Variants in SCFD1 observed in about 807,000 individuals in gnomAD.
SCFD1 encodes sec1 family domain containing 1, also known as sec1 family domain-containing protein 1.
Under a neutral mutation model 103.2 loss-of-function variants are expected in SCFD1, and 37 were observed. That is an observed-to-expected ratio of 0.36 (90% CI 0.28 to 0.47). The LOEUF is 0.47. SCFD1 is among the 20% of genes least tolerant of loss of function. The pLI is 1.00. For missense variants in SCFD1, 639 were observed against 761.2 expected (o/e 0.84, Z 1.89); for synonymous variants, 264 against 245.0 (o/e 1.08, Z -0.73).
intron 21 of SCFD1, among the ~76,000 whole-genome samples, chr14:30,720,081 T>C (rs1303995593): frequency 6.6e-6 from 1 of 152,180 alleles, no homozygotes; most frequent in Non-Finnish European, 1.5e-5. Flanking sequence ...TTCAGAACTT[T>C]ACATTTGCTG....
intron 10 of SCFD1, among the ~76,000 whole-genome samples, chr14:30,658,697 T>C (rs1295293604): frequency 6.6e-6 from 1 of 152,218 alleles, no homozygotes; most frequent in African/African-American, 2.4e-5. Context: ...CTAGCTAAGA[T>C]TATAGCTAAT....
At chr14:30,700,110 G>A in intron 15 of SCFD1, 78 bp from the exon 16 acceptor site, 1 of 998,536 alleles carries the variant, frequency 1.0e-6, no homozygotes, top group Non-Finnish European at 1.5e-6. Context: ...GCCTTGAAAT[G>A]TAACATACTT....
At chr14:30,734,213 A>T (rs1032964092) in intron 23 of SCFD1, among the ~76,000 whole-genome samples, 4 of 152,216 alleles carry the variant, frequency 2.6e-5, no homozygotes, top group Admixed American at 2.6e-4. Flanking sequence ...ATTTACCTTC[A>T]GGTTCACGAT....
intron 10 of SCFD1, among the ~76,000 whole-genome samples, chr14:30,666,240 G>C (rs977233530): frequency 6.6e-6 from 1 of 152,162 alleles, no homozygotes; most frequent in African/African-American, 2.4e-5. Context: ...TAGAACTCAG[G>C]ATTAAGAAAC....
chr14:30,699,282 C>CTGA (rs1890912758), intron 15 of SCFD1, among the ~76,000 whole-genome samples: 2 of 152,120 alleles, frequency 1.3e-5, no homozygotes, highest in Non-Finnish European at 2.9e-5. Flanking sequence ...AAATAAGTGT[C>CTGA]TTATCAGTCA....
intron 24 of SCFD1, 93 bp from the exon 25 acceptor site, chr14:30,735,493 G>A: frequency 1.2e-6 from 1 of 832,454 alleles, no homozygotes; most frequent in Non-Finnish European, 2.0e-6. Context: ...AAAATAGGAA[G>A]TGTAATTTAT....
intron 1 of SCFD1, among the ~76,000 whole-genome samples, chr14:30,622,683 C>T (rs929710723): frequency 3.9e-5 from 6 of 152,204 alleles, no homozygotes; most frequent in African/African-American, 1.4e-4. Flanking sequence ...CAAGATCTAG[C>T]AGCTGATAGC....
intron 6 of SCFD1, among the ~76,000 whole-genome samples, chr14:30,641,431 A>G (rs915915417): frequency 3.2e-4 from 49 of 152,224 alleles, no homozygotes; most frequent in Non-Finnish European, 6.8e-4. Flanking sequence ...TTTCATTGAG[A>G]GATGTGGAAC....
At chr14:30,667,571 GA>G (rs926440845) in intron 10 of SCFD1, among the ~76,000 whole-genome samples, 4 of 152,152 alleles carry the variant, frequency 2.6e-5, no homozygotes, top group African/African-American at 9.7e-5. Context: ...TCAGGCAAGA[GA>G]AAGAAATAAA....
intron 23 of SCFD1, among the ~76,000 whole-genome samples, chr14:30,728,747 T>G (rs1893224777): frequency 6.6e-6 from 1 of 152,224 alleles, no homozygotes; most frequent in Non-Finnish European, 1.5e-5. Flanking sequence ...TATCTATATT[T>G]TCCTGATGAC....
chr14:30,716,691 C>T (rs532816444), intron 20 of SCFD1, among the ~76,000 whole-genome samples: 1 of 152,296 alleles, frequency 6.6e-6, no homozygotes, highest in South Asian at 2.1e-4. Context: ...ATAGATTTGG[C>T]AGTGAGGCTT....
intron 10 of SCFD1, among the ~76,000 whole-genome samples, chr14:30,659,292 T>C: frequency 6.6e-6 from 1 of 152,080 alleles, no homozygotes; most frequent in South Asian, 2.1e-4. Flanking sequence ...TATTTGCATT[T>C]CAACATAATA....
chr14:30,658,653 A>G (rs1438009894), intron 10 of SCFD1, among the ~76,000 whole-genome samples: 4 of 152,138 alleles, frequency 2.6e-5, no homozygotes, highest in African/African-American at 4.8e-5. Context: ...TCAGCCTCCC[A>G]AAGTGCTGGG....
intron 21 of SCFD1, among the ~76,000 whole-genome samples, chr14:30,719,941 A>G (rs2139405612): frequency 7.7e-6 from 1 of 130,574 alleles, no homozygotes; most frequent in Non-Finnish European, 1.6e-5. Flanking sequence ...ATACAGAAAA[A>G]GAATAGGCAG....
intron 24 of SCFD1, 93 bp downstream of exon 24, chr14:30,734,951 T>A: frequency 9.9e-7 from 1 of 1,012,446 alleles, no homozygotes; most frequent in Non-Finnish European, 1.5e-6. Context: ...CTTACTCACC[T>A]GAACCAGCCG....
At chr14:30,719,029 A>T (rs886132148) in intron 20 of SCFD1, among the ~76,000 whole-genome samples, 1 of 152,202 alleles carries the variant, frequency 6.6e-6, no homozygotes, top group Non-Finnish European at 1.5e-5. Context: ...TGTAGTTCCC[A>T]TACTTACTAA....
intron 6 of SCFD1, among the ~76,000 whole-genome samples, chr14:30,641,943 C>T (rs1319210356): frequency 2.0e-5 from 3 of 152,162 alleles, no homozygotes; most frequent in Admixed American, 1.3e-4. Context: ...TGTACTTCAT[C>T]AGACACTGGG....
intron 14 of SCFD1, among the ~76,000 whole-genome samples, chr14:30,677,858 T>G (rs1594679735): frequency 7.1e-6 from 1 of 140,158 alleles, no homozygotes; most frequent in Admixed American, 7.2e-5. Context: ...TTTTTTTTTT[T>G]GAGACAGAGT....
At chr14:30,661,790 T>G (rs1288001912) in intron 10 of SCFD1, among the ~76,000 whole-genome samples, 1 of 152,170 alleles carries the variant, frequency 6.6e-6, no homozygotes, top group Non-Finnish European at 1.5e-5. Flanking sequence ...GTCTTTAACA[T>G]TTTCTCTTGT....
Sources: gnomAD v4.1 joint callset for allele counts (sites outside exome capture counted in the v4.1 genomes callset) on GRCh38, gnomAD v4.1.1 for gene constraint, MANE v1.5 for transcripts, NCBI Gene and HGNC (gene_info 2026-07-23, HGNC 2026-07-21) for gene names.